The following SLC1A2 variants were observed in gnomAD, a reference collection of about 807,000 sequenced individuals.
SLC1A2 encodes the protein solute carrier family 1 member 2.
Under a neutral mutation model 48.8 loss-of-function variants are expected in SLC1A2, and 15 were observed. That is an observed-to-expected ratio of 0.31 (90% CI 0.21 to 0.47). The LOEUF (loss-of-function observed/expected upper bound fraction) is 0.47. SLC1A2 is among the 20% of genes least tolerant of loss of function. The pLI, the probability that SLC1A2 is intolerant of heterozygous loss-of-function variation, is 0.99. For missense variants in SLC1A2, 502 were observed against 730.5 expected (o/e 0.69, Z 3.61); for synonymous variants, 279 against 272.6 (o/e 1.02, Z -0.23).
intron 9 of SLC1A2, among the ~76,000 whole-genome samples, chr11:35,267,775 A>G (rs144328497): frequency 0.02 from 1,140 of 57,370 alleles, 8 homozygotes; most frequent in African/African-American, 0.054. Flanking sequence ...TCAAATGGGG[A>G]AAAAAAAAAA....
intron 1 of SLC1A2, 106 bp downstream of exon 1, chr11:35,418,844 C>G (rs1242719203): frequency 9.7e-7 from 1 of 1,032,532 alleles, no homozygotes; most frequent in African/African-American, 1.6e-5. Flanking sequence ...CCGCCACCAC[C>G]TCCGAGGCCC....
chr11:35,386,672 A>T (rs1480590070), intron 1 of SLC1A2, among the ~76,000 whole-genome samples: 1 of 152,244 alleles, frequency 6.6e-6, no homozygotes, highest in Non-Finnish European at 1.5e-5. Flanking sequence ...GGGATAAATC[A>T]TTTTAAAAGC....
At chr11:35,322,963 G>C in intron 1 of SLC1A2, 1 of 586,370 alleles carries the variant, frequency 1.7e-6, no homozygotes, top group Admixed American at 3.0e-5. Flanking sequence ...TGCCTTAACT[G>C]TGTCAAAGAT....
intron 1 of SLC1A2, among the ~76,000 whole-genome samples, chr11:35,370,092 C>T (rs1441847845): frequency 6.6e-6 from 1 of 152,156 alleles, no homozygotes; most frequent in Non-Finnish European, 1.5e-5. Context: ...TTGTCAGTAA[C>T]AATAATTGTT....
chr11:35,270,489 G>A (rs1407673025), intron 9 of SLC1A2, among the ~76,000 whole-genome samples: 1 of 152,194 alleles, frequency 6.6e-6, no homozygotes, highest in East Asian at 1.9e-4. Context: ...TTATTCAACA[G>A]ATGTTTAATA....
rs965630242 is a variant in SLC1A2 at position 35,360,883 on chromosome 11, AT to A, written c.18-43368del. Reference sequence around the variant, plus strand: ...TTATTTTGTTTATTTATTTATTATTATTTTTTTTTTGAGAAAGAGTCTCATT... The same window carrying A: ...TTATTTTGTTTATTTATTTATTATTATTTTTTTTTGAGAAAGAGTCTCATT... On this transcript the variant is annotated intron_variant, in intron 1 of 10. Coordinates refer to ENST00000278379, the MANE Select transcript of SLC1A2 (RefSeq NM_004171.4). Among the ~76,000 whole-genome samples, 205 of 149,010 alleles carry A rather than the reference AT, an allele frequency of 1.4e-3. 3 individuals carry two copies. In the East Asian group the frequency reaches 0.015, roughly 11 times the overall value.
At chr11:35,317,771 T>G (rs1333636826) in intron 1 of SLC1A2, among the ~76,000 whole-genome samples, 1 of 152,222 alleles carries the variant, frequency 6.6e-6, no homozygotes, top group African/African-American at 2.4e-5. Flanking sequence ...CCCCCCGTGG[T>G]AACTTGGGGA....
chr11:35,338,962 C>T (rs1852737531), intron 1 of SLC1A2, among the ~76,000 whole-genome samples: 1 of 152,150 alleles, frequency 6.6e-6, no homozygotes, highest in African/African-American at 2.4e-5. Context: ...GAAGATCTGG[C>T]TAGAAGCAGG....
Position 35,254,372 on chromosome 11 carries a change from T to C in SLC1A2, c.*6522A>G, listed in dbSNP as rs537329582. 1.3e-5 allele frequency: 2 copies of C among 157,912 alleles called. No homozygotes were observed. The highest frequency in any genetic ancestry group is 1.9e-4 in the East Asian group (1 of 5,306). 9.8% of individuals were successfully genotyped at this position (157,912 alleles called of 1,614,324 possible). On this transcript the variant is annotated 3_prime_UTR_variant, in exon 11 of 11. Transcript: ENST00000278379. ...AAAAATCTAGATGCCAAAGGATGAC[T>C]TTCTATAAGGGAAGTAACTCTTATG... is the stretch of plus-strand genomic sequence containing the variant.
chr11:35,313,042 C>G (rs867022049), intron 3 of SLC1A2, among the ~76,000 whole-genome samples: 2 of 152,182 alleles, frequency 1.3e-5, no homozygotes, highest in African/African-American at 4.8e-5. Flanking sequence ...AAGTTGAAGA[C>G]ATCCCATTTT....
chr11:35,281,126 C>T (rs946874979), intron 8 of SLC1A2, 125 bp from the exon 9 acceptor site: 8 of 1,285,680 alleles, frequency 6.2e-6, no homozygotes, highest in South Asian at 5.1e-5. Context: ...ACCCCATACT[C>T]TCCACCAAGG....
At chr11:35,267,203 G>C (rs1008391700) in intron 9 of SLC1A2, among the ~76,000 whole-genome samples, 1 of 152,162 alleles carries the variant, frequency 6.6e-6, no homozygotes, top group Admixed American at 6.5e-5. Flanking sequence ...GTTTAGGAAG[G>C]AATACATGAT....
At chr11:35,344,427 G>A (rs115828278) in intron 1 of SLC1A2, among the ~76,000 whole-genome samples, 147 of 152,308 alleles carry the variant, frequency 9.7e-4, no homozygotes, top group African/African-American at 3.4e-3. Flanking sequence ...AGCAAGCTTG[G>A]TATATGCTAC....
At chr11:35,306,293 T>G (rs1565229192) in intron 4 of SLC1A2, 51 bp from the exon 5 acceptor site, 1 of 1,395,858 alleles carries the variant, frequency 7.2e-7, no homozygotes. Flanking sequence ...GCCTATAAGG[T>G]GAAAAAAAAA....
intron 1 of SLC1A2, among the ~76,000 whole-genome samples, chr11:35,348,471 A>C (rs144559260): frequency 6.6e-6 from 1 of 152,294 alleles, no homozygotes; most frequent in East Asian, 1.9e-4. Flanking sequence ...AAATTTAAAG[A>C]ACTCCTGACA....
At chr11:35,315,248 C>T in intron 2 of SLC1A2, 73 bp from the exon 3 acceptor site, 2 of 1,114,810 alleles carry the variant, frequency 1.8e-6, no homozygotes, top group Non-Finnish European at 2.7e-6. Context: ...ACACTTATTT[C>T]AGCAACATTG....
Position 35,419,507 on chromosome 11 carries a change from TG to T in SLC1A2, c.-542del. The T allele has an allele frequency of 6.3e-6, 1 of 159,328 alleles. No individual in the cohort carries two copies. Among genetic ancestry groups the T allele is most frequent in the East Asian group, 1.8e-4 (1 of 5,442 alleles). The allele number at this position is 159,328 out of a possible 1,614,324, so 9.9% of individuals were successfully genotyped here. A position where few individuals can be genotyped will look rare whatever the true frequency, so the allele number is the denominator to read the frequency against. On this transcript the variant is annotated 5_prime_UTR_variant, in exon 1 of 11. An upstream open reading frame in the 5' UTR loses its in-frame stop. Transcript: ENST00000278379. The surrounding 1 kb of genome is among the most constrained non-coding windows in gnomAD (Gnocchi z 5.4). ...TTGCAAGGTTTAGCCCCGCCGGAGC[TG>T]GGGATTTGCAGGCGATCCCTCTCTA...
At chr11:35,410,822 T>G (rs1282727101) in intron 1 of SLC1A2, among the ~76,000 whole-genome samples, 1 of 152,166 alleles carries the variant, frequency 6.6e-6, no homozygotes. Context: ...TTGGTGCGAC[T>G]GTTTCAACCT....
intron 7 of SLC1A2, among the ~76,000 whole-genome samples, chr11:35,287,883 T>C (rs192199813): frequency 6.6e-6 from 1 of 152,252 alleles, no homozygotes; most frequent in Non-Finnish European, 1.5e-5. Context: ...CAAACTGCCA[T>C]GGAAGTGCTT....
Sources: gnomAD v4.1 joint callset for allele counts (sites outside exome capture counted in the v4.1 genomes callset) on GRCh38, gnomAD v4.1.1 for gene constraint, Gnocchi (gnomAD v3.1) non-coding constraint, MANE v1.5 for transcripts, NCBI Gene and HGNC (gene_info 2026-07-23, HGNC 2026-07-21) for gene names.